The following GNAZ variants were observed in gnomAD, a reference collection of about 807,000 sequenced individuals.
The protein encoded by GNAZ is G protein subunit alpha z.
Under a neutral mutation model 25.4 loss-of-function variants are expected in GNAZ, and 3 were observed. The observed-to-expected ratio is 0.12, with a 90% CI of 0.05 to 0.30. The LOEUF (loss-of-function observed/expected upper bound fraction) is 0.30. Ranked by LOEUF, GNAZ falls within the 10% of genes least tolerant of loss-of-function variation. The pLI is 1.00. For synonymous variants in GNAZ, 211 were observed against 205.7 expected, an observed-to-expected ratio of 1.03 and a Z score of -0.22; for missense variants, 241 against 501.8, an observed-to-expected ratio of 0.48 and a Z score of 4.97.
intron 1 of GNAZ, among the ~76,000 whole-genome samples, chr22:23,089,664 G>T (rs1008665854): frequency 6.6e-6 from 1 of 152,200 alleles, no homozygotes; most frequent in Non-Finnish European, 1.5e-5. Context: ...ATGAGGGCAG[G>T]CCGGGCCTGC....
chr22:23,072,177 C>A (rs1347334722), intron 1 of GNAZ, among the ~76,000 whole-genome samples: 2 of 152,160 alleles, frequency 1.3e-5, no homozygotes, highest in African/African-American at 4.8e-5. Flanking sequence ...ACCCAGGCAA[C>A]CCCCTTGTTA....
intron 2 of GNAZ, among the ~76,000 whole-genome samples, chr22:23,106,385 G>C (rs1458678866): frequency 6.6e-6 from 1 of 152,264 alleles, no homozygotes; most frequent in Non-Finnish European, 1.5e-5. Flanking sequence ...GCTCTGCCCA[G>C]TGGGTGAAGC....
At chr22:23,078,962 G>T (rs1044214798) in intron 1 of GNAZ, among the ~76,000 whole-genome samples, 14 of 152,178 alleles carry the variant, frequency 9.2e-5, no homozygotes, top group African/African-American at 3.4e-4. Context: ...GGCCTTTCCA[G>T]AAGACCTCCC....
At chr22:23,082,776 G>C (rs1016930487) in intron 1 of GNAZ, among the ~76,000 whole-genome samples, 1 of 152,136 alleles carries the variant, frequency 6.6e-6, no homozygotes, top group African/African-American at 2.4e-5. Flanking sequence ...CTGCAGGGAA[G>C]TGTGAGGTTT....
intron 1 of GNAZ, among the ~76,000 whole-genome samples, chr22:23,080,720 T>C (rs2068652996): frequency 6.6e-6 from 1 of 152,220 alleles, no homozygotes; most frequent in African/African-American, 2.4e-5. Flanking sequence ...CATGAATCAG[T>C]GATGTCTTTC....
At position 23,096,364 on chromosome 22, in the gene GNAZ, C is replaced by T; in HGVS notation, c.669C>T (p.Ile223=). The T allele has an allele frequency of 6.2e-7, 1 of 1,613,364 alleles. No homozygotes were observed. Among genetic ancestry groups the T allele is most frequent in the South Asian group, 1.1e-5 (1 of 91,074 alleles). The change falls in exon 2 of 3, where the codon ATC becomes ATT. Residue 223 remains isoleucine (I), a synonymous_variant. Coordinates refer to ENST00000615612, the MANE Select transcript of GNAZ (RefSeq NM_002073.4). Reference sequence around the variant, plus strand: ...GCTTCGAGGGCGTCACAGCCATCATCTTCTGTGTGGAGCTCAGCGGCTACG... The same window carrying T: ...GCTTCGAGGGCGTCACAGCCATCATTTTCTGTGTGGAGCTCAGCGGCTACG... ...IHCFEGVTAI[I]FCVELSGYDL... is the part of the protein sequence containing the mutation.
At chr22:23,088,257 C>T (rs1452157671) in intron 1 of GNAZ, among the ~76,000 whole-genome samples, 1 of 152,228 alleles carries the variant, frequency 6.6e-6, no homozygotes, top group African/African-American at 2.4e-5. Flanking sequence ...CAGGGTACCC[C>T]AGTGCGTTTC....
At chr22:23,083,327 A>T (rs1328463863) in intron 1 of GNAZ, among the ~76,000 whole-genome samples, 1 of 152,042 alleles carries the variant, frequency 6.6e-6, no homozygotes, top group East Asian at 1.9e-4. Flanking sequence ...CAGGGATATC[A>T]CGGGCTCCAG....
At chr22:23,074,355 T>G (rs1233822546) in intron 1 of GNAZ, among the ~76,000 whole-genome samples, 1 of 151,838 alleles carries the variant, frequency 6.6e-6, no homozygotes. Context: ...GGGAGATTTG[T>G]TTTTTTAAAG....
chr22:23,091,242 A>G (rs924911331), intron 1 of GNAZ, among the ~76,000 whole-genome samples: 2 of 152,222 alleles, frequency 1.3e-5, no homozygotes, highest in African/African-American at 4.8e-5. Flanking sequence ...ACACTGGCAT[A>G]CAAGCAACCA....
chr22:23,084,312 C>T (rs2068758642), intron 1 of GNAZ, among the ~76,000 whole-genome samples: 1 of 152,210 alleles, frequency 6.6e-6, no homozygotes. Context: ...TTCTCCCTGT[C>T]AGTACGGTAT....
chr22:23,122,827 G>A, intron 2 of GNAZ: 1 of 548,792 alleles, frequency 1.8e-6, no homozygotes. Flanking sequence ...GAGATCACTG[G>A]CACCCAGAGG....
In GNAZ at chr22:23,115,802, A is replaced by G. The variant is rs180966665; in HGVS notation, c.724-7285A>G. On this transcript the variant is annotated intron_variant, in intron 2 of 2. Transcript: ENST00000615612. ...CTAAACCTCAGTTTATTTGAAGCAC[A>G]GTACATGATTGCTCACTTCAGGAAA... 3.0e-3 allele frequency among the ~76,000 whole-genome samples: 461 copies of G among 152,356 alleles called. 1 individual carries two copies. Among genetic ancestry groups the G allele is most frequent in the South Asian group, 6.8e-3 (33 of 4,826 alleles).
chr22:23,073,889 A>G (rs374916299), intron 1 of GNAZ, among the ~76,000 whole-genome samples: 3 of 150,118 alleles, frequency 2.0e-5, no homozygotes, highest in Admixed American at 6.6e-5. Context: ...TAAGTGCTGC[A>G]CTGTGGAGAA....
chr22:23,122,019 C>T (rs542130280), intron 2 of GNAZ, among the ~76,000 whole-genome samples: 19 of 152,320 alleles, frequency 1.2e-4, no homozygotes, highest in Middle Eastern at 3.4e-3. Flanking sequence ...GTGTGAGCCA[C>T]GGCGCCTGGC....
intron 2 of GNAZ, chr22:23,122,236 A>T (rs2070052437): frequency 2.0e-5 from 3 of 152,272 alleles, no homozygotes; most frequent in African/African-American, 7.2e-5. Context: ...CATGCTTCTT[A>T]AAAGCCCAGA....
At chr22:23,086,200 C>A (rs2068816395) in intron 1 of GNAZ, among the ~76,000 whole-genome samples, 1 of 152,222 alleles carries the variant, frequency 6.6e-6, no homozygotes, top group South Asian at 2.1e-4. Context: ...GCAAGTGATA[C>A]CCAGGTGTGG....
intron 2 of GNAZ, among the ~76,000 whole-genome samples, chr22:23,109,929 C>T (rs57656066): frequency 0.018 from 2,696 of 152,298 alleles, 81 homozygotes; most frequent in African/African-American, 0.06. Context: ...GTGCTGTCCC[C>T]GCAGACTGGC....
chr22:23,088,070 A>G (rs1444254508), intron 1 of GNAZ, among the ~76,000 whole-genome samples: 1 of 152,230 alleles, frequency 6.6e-6, no homozygotes, highest in Non-Finnish European at 1.5e-5. Flanking sequence ...TACACCCAGG[A>G]ATGAACAAGG....
Sources: gnomAD v4.1 joint callset for allele counts (sites outside exome capture counted in the v4.1 genomes callset) on GRCh38, gnomAD v4.1.1 for gene constraint, MANE v1.5 for transcripts, NCBI Gene and HGNC (gene_info 2026-07-23, HGNC 2026-07-21) for gene names.